The following TAFA1 variants were observed in gnomAD, a reference collection of about 807,000 sequenced individuals.
TAFA1 encodes chemokine-like protein TAFA-1.
A neutral mutation model predicts 18.5 loss-of-function variants in TAFA1; 4 were observed. The ratio of observed to expected loss-of-function variants is 0.22; its 90% CI spans 0.11 to 0.49. The LOEUF (loss-of-function observed/expected upper bound fraction) is 0.49, where lower values mean the gene tolerates loss of function less well. Among genes scored for constraint, TAFA1 ranks in the 20% least tolerant of loss-of-function variants. TAFA1 has a pLI of 0.98. For missense variants in TAFA1, 147 were observed against 169.0 expected (o/e 0.87, Z 0.72); for synonymous variants, 56 against 55.2 (o/e 1.01, Z -0.06).
chr3:67,999,287 C>CTCTG (rs1297823499), upstream of TAFA1, among the ~76,000 whole-genome samples: 6,562 of 147,648 alleles, frequency 0.044, 549 homozygotes, highest in African/African-American at 0.16. Flanking sequence ...CCCCCTCTCT[C>CTCTG]TGTGTGTGTG....
At chr3:68,322,747 A>G (rs2106709541) in intron 2 of TAFA1, among the ~76,000 whole-genome samples, 1 of 152,254 alleles carries the variant, frequency 6.6e-6, no homozygotes, top group Middle Eastern at 3.4e-3. Context: ...CTTCAAGACC[A>G]GCCTGGCCAA....
At chr3:68,154,047 T>C (rs2065837347) in intron 2 of TAFA1, among the ~76,000 whole-genome samples, 1 of 152,168 alleles carries the variant, frequency 6.6e-6, no homozygotes, top group Non-Finnish European at 1.5e-5. Context: ...ATCCAATTCT[T>C]AGTGGTTTAA....
chr3:68,259,586 A>C (rs1345557990), intron 2 of TAFA1, among the ~76,000 whole-genome samples: 1 of 152,124 alleles, frequency 6.6e-6, no homozygotes, highest in South Asian at 2.1e-4. Context: ...ATGTTCTTCC[A>C]TTTCTTTGTA....
intron 2 of TAFA1, among the ~76,000 whole-genome samples, chr3:68,167,837 C>G (rs1270653056): frequency 6.6e-6 from 1 of 152,046 alleles, no homozygotes; most frequent in Non-Finnish European, 1.5e-5. Context: ...CAGATTGCAT[C>G]ACTGTACTCC....
intron 2 of TAFA1, among the ~76,000 whole-genome samples, chr3:68,054,242 A>C (rs1313097537): frequency 6.6e-6 from 1 of 152,104 alleles, no homozygotes; most frequent in African/African-American, 2.4e-5. Context: ...TTGTGAGTAG[A>C]TGAATGTCTT....
At chr3:68,055,151 T>C (rs538665463) in intron 2 of TAFA1, among the ~76,000 whole-genome samples, 1 of 152,166 alleles carries the variant, frequency 6.6e-6, no homozygotes, top group African/African-American at 2.4e-5. Flanking sequence ...CCACCTGCCA[T>C]AGTGCGTGAT....
At chr3:68,075,092 G>C (rs1445961196) in intron 2 of TAFA1, among the ~76,000 whole-genome samples, 1 of 152,190 alleles carries the variant, frequency 6.6e-6, no homozygotes, top group Non-Finnish European at 1.5e-5. Flanking sequence ...TAGTGGAAAA[G>C]TGTCTGAAAC....
chr3:68,046,850 A>G (rs2064392652), intron 2 of TAFA1, among the ~76,000 whole-genome samples: 1 of 152,186 alleles, frequency 6.6e-6, no homozygotes, highest in African/African-American at 2.4e-5. Flanking sequence ...ATGCTGCTGT[A>G]CTGTATCTAA....
chr3:68,095,294 A>G (rs1299861986), intron 2 of TAFA1, among the ~76,000 whole-genome samples: 1 of 152,176 alleles, frequency 6.6e-6, no homozygotes, highest in Non-Finnish European at 1.5e-5. Flanking sequence ...TCTGAGTTTC[A>G]TTTAAGTGGT....
intron 2 of TAFA1, among the ~76,000 whole-genome samples, chr3:68,093,455 G>C (rs2065051407): frequency 6.6e-6 from 1 of 152,008 alleles, no homozygotes; most frequent in Non-Finnish European, 1.5e-5. Flanking sequence ...GCCCTTCTTG[G>C]TTCTTAAATT....
At chr3:68,041,750 T>C (rs1028256536) in intron 2 of TAFA1, among the ~76,000 whole-genome samples, 1 of 152,234 alleles carries the variant, frequency 6.6e-6, no homozygotes, top group Non-Finnish European at 1.5e-5. Context: ...GTTTTCTCAA[T>C]TTCTTCACCT....
intron 2 of TAFA1, among the ~76,000 whole-genome samples, chr3:68,054,169 G>T (rs918310776): frequency 1.3e-5 from 2 of 152,156 alleles, no homozygotes; most frequent in Admixed American, 1.3e-4. Flanking sequence ...ACATTGAAAT[G>T]TGATCCCCAG....
intron 3 of TAFA1, among the ~76,000 whole-genome samples, chr3:68,494,610 G>T (rs1056769594): frequency 6.6e-6 from 1 of 152,056 alleles, no homozygotes; most frequent in African/African-American, 2.4e-5. Context: ...TAGTCATCTT[G>T]GTTCATGTAG....
chr3:68,080,790 C>T (rs2064887982), intron 2 of TAFA1, among the ~76,000 whole-genome samples: 1 of 152,064 alleles, frequency 6.6e-6, no homozygotes, highest in African/African-American at 2.4e-5. Flanking sequence ...AATTATGTGT[C>T]TTGGAGTTGG....
chr3:68,326,882 A>G (rs2106719305), intron 2 of TAFA1, among the ~76,000 whole-genome samples: 1 of 152,310 alleles, frequency 6.6e-6, no homozygotes, highest in Middle Eastern at 3.4e-3. Context: ...ACATCTTTAA[A>G]TAGAGAGTTC....
intron 2 of TAFA1, among the ~76,000 whole-genome samples, chr3:68,147,979 G>C (rs1394357398): frequency 6.6e-6 from 1 of 152,100 alleles, no homozygotes; most frequent in African/African-American, 2.4e-5. Flanking sequence ...CAATTATTTG[G>C]TGCCTTTGAT....
chr3:68,542,906 C>T (rs1312395803), intron 4 of TAFA1, among the ~76,000 whole-genome samples: 1 of 152,116 alleles, frequency 6.6e-6, no homozygotes, highest in Admixed American at 6.6e-5. Context: ...ATCAGATATA[C>T]ATTTGTCTCA....
At chr3:68,175,063 C>A (rs13074660) in intron 2 of TAFA1, among the ~76,000 whole-genome samples, 1 of 152,114 alleles carries the variant, frequency 6.6e-6, no homozygotes, top group Non-Finnish European at 1.5e-5. Flanking sequence ...GGCAGCTTCC[C>A]CAAGGTGCTG....
At chr3:68,094,472 A>T (rs2065064589) in intron 2 of TAFA1, among the ~76,000 whole-genome samples, 1 of 152,184 alleles carries the variant, frequency 6.6e-6, no homozygotes, top group South Asian at 2.1e-4. Flanking sequence ...GGAATAAAAG[A>T]AACAGACTTT....
Sources: gnomAD v4.1 joint callset for allele counts (sites outside exome capture counted in the v4.1 genomes callset) on GRCh38, gnomAD v4.1.1 for gene constraint, MANE v1.5 for transcripts, NCBI Gene and HGNC (gene_info 2026-07-23, HGNC 2026-07-21) for gene names.